SNTG1: variants seen among roughly 807,000 people sequenced by gnomAD.
SNTG1 encodes the protein gamma-1-syntrophin.
A neutral mutation model predicts 74.7 loss-of-function variants in SNTG1; 39 were observed. The ratio of observed to expected loss-of-function variants is 0.52; its 90% CI spans 0.40 to 0.68. SNTG1 has a LOEUF of 0.68. Among genes scored for constraint, SNTG1 ranks in the 30% least tolerant of loss-of-function variants. The pLI is 0.00. For synonymous variants in SNTG1, 254 were observed against 217.1 expected, an observed-to-expected ratio of 1.17 and a Z score of -1.49; for missense variants, 685 against 609.5, an observed-to-expected ratio of 1.12 and a Z score of -1.30.
chr8:50,190,728 T>C (rs537273310), intron 2 of SNTG1, among the ~76,000 whole-genome samples: 1 of 152,296 alleles, frequency 6.6e-6, no homozygotes, highest in Admixed American at 6.5e-5. Context: ...GCCATTTTAC[T>C]ACCTCCTGTT....
intron 2 of SNTG1, among the ~76,000 whole-genome samples, chr8:50,261,006 C>A (rs932208742): frequency 1.3e-5 from 2 of 152,104 alleles, no homozygotes; most frequent in Non-Finnish European, 2.9e-5. Context: ...AGTGACAACT[C>A]TTTTACAAGA....
At chr8:50,440,141 C>G (rs1008592387) in intron 5 of SNTG1, among the ~76,000 whole-genome samples, 1 of 151,534 alleles carries the variant, frequency 6.6e-6, no homozygotes, top group African/African-American at 2.4e-5. Context: ...TATGAATTTT[C>G]CATTCAATTA....
intron 3 of SNTG1, among the ~76,000 whole-genome samples, chr8:50,398,655 G>T (rs2092760781): frequency 6.6e-6 from 1 of 152,174 alleles, no homozygotes; most frequent in Admixed American, 6.5e-5. Flanking sequence ...GGCCGAGCGC[G>T]GTGGCTCACG....
chr8:50,739,463 TGGGA>T (rs1245324199), intron 17 of SNTG1, among the ~76,000 whole-genome samples: 1 of 152,058 alleles, frequency 6.6e-6, no homozygotes, highest in Non-Finnish European at 1.5e-5. Context: ...ACACTGTTGG[TGGGA>T]GTGTAAATTA....
intron 17 of SNTG1, among the ~76,000 whole-genome samples, chr8:50,738,120 T>C (rs564633231): frequency 2.0e-4 from 31 of 152,202 alleles, no homozygotes; most frequent in African/African-American, 6.7e-4. Context: ...AGTCAAATTG[T>C]CTCTCTTTGC....
chr8:50,392,605 C>T (rs1361805647), intron 2 of SNTG1, among the ~76,000 whole-genome samples: 3 of 152,006 alleles, frequency 2.0e-5, no homozygotes, highest in Non-Finnish European at 4.4e-5. Context: ...GAACTCAATC[C>T]AAATAAGTTA....
rs1263301052 is a variant in SNTG1 at position 50,502,880 on chromosome 8, T to C, written c.466T>C (p.Cys156Arg). ...LKLPLNEDCA[C>R]APSDQSSGTS... ...ACTCCCATTGAATGAAGATTGTGCA[T>C]GTAAGCATTTATAAAGAATAGATAA... is the stretch of plus-strand genomic sequence containing the variant. The change falls in exon 9 of 19, where the codon TGT (cysteine) becomes CGT (arginine). Residue 156 changes from cysteine (C) to arginine (R), a missense_variant and splice_region_variant. Cys to Arg is a radical substitution (Grantham distance 180, BLOSUM62 -3). Transcript: ENST00000642720. 1.2e-6 allele frequency: 2 copies of C among 1,609,082 alleles called. No individual in the cohort carries two copies. Among genetic ancestry groups the C allele is most frequent in the Non-Finnish European group, 1.7e-6 (2 of 1,176,108 alleles).
chr8:50,528,806 T>G (rs1340407268), intron 9 of SNTG1, among the ~76,000 whole-genome samples: 1 of 146,772 alleles, frequency 6.8e-6, no homozygotes, highest in East Asian at 1.9e-4. Flanking sequence ...TTTTTCTAAA[T>G]TTTTTTTTTG....
chr8:50,549,191 C>G (rs1303306269), intron 11 of SNTG1, among the ~76,000 whole-genome samples: 1 of 152,114 alleles, frequency 6.6e-6, no homozygotes, highest in African/African-American at 2.4e-5. Context: ...TGTATCTAAA[C>G]AGCTTAGGTT....
At chr8:50,494,258 A>C (rs2093884499) in intron 8 of SNTG1, among the ~76,000 whole-genome samples, 1 of 151,972 alleles carries the variant, frequency 6.6e-6, no homozygotes, top group African/African-American at 2.4e-5. Context: ...AATAAAGACC[A>C]CTTGCTCATA....
At chr8:50,494,319 A>T (rs2093884886) in intron 8 of SNTG1, among the ~76,000 whole-genome samples, 1 of 151,994 alleles carries the variant, frequency 6.6e-6, no homozygotes, top group Non-Finnish European at 1.5e-5. Flanking sequence ...TACTGTATTC[A>T]AAATACAGTA....
At chr8:50,614,468 C>CT (rs1029549841) in intron 13 of SNTG1, among the ~76,000 whole-genome samples, 6 of 151,570 alleles carry the variant, frequency 4.0e-5, no homozygotes. Context: ...TTTACTTTAT[C>CT]TAAAAAAAAG....
At chr8:50,510,597 G>T (rs918045973) in intron 9 of SNTG1, among the ~76,000 whole-genome samples, 14 of 152,140 alleles carry the variant, frequency 9.2e-5, no homozygotes, top group African/African-American at 2.2e-4. Context: ...TTCAGAGCCT[G>T]TTTTTGGTCT....
chr8:50,509,846 A>G (rs2094049646), intron 9 of SNTG1, among the ~76,000 whole-genome samples: 1 of 152,164 alleles, frequency 6.6e-6, no homozygotes, highest in Non-Finnish European at 1.5e-5. Context: ...TAAATATACA[A>G]TCATGTCATC....
At chr8:50,645,343 A>T (rs2095101605) in intron 13 of SNTG1, among the ~76,000 whole-genome samples, 1 of 142,174 alleles carries the variant, frequency 7.0e-6, no homozygotes, top group South Asian at 2.3e-4. Flanking sequence ...TTATTTTGTA[A>T]TTTTTTTTAT....
intron 2 of SNTG1, among the ~76,000 whole-genome samples, chr8:50,207,600 T>G (rs1184185859): frequency 1.3e-5 from 2 of 152,200 alleles, no homozygotes; most frequent in South Asian, 4.1e-4. Context: ...ATTTCTTGCC[T>G]TCTGGAACTT....
At chr8:49,997,010 A>C (rs1814286915) in intron 1 of SNTG1, among the ~76,000 whole-genome samples, 1 of 152,136 alleles carries the variant, frequency 6.6e-6, no homozygotes, top group Admixed American at 6.6e-5. Context: ...AATGAGTGGC[A>C]CACCTAGAAT....
intron 2 of SNTG1, among the ~76,000 whole-genome samples, chr8:50,232,543 T>C (rs1586785013): frequency 6.6e-6 from 1 of 151,578 alleles, no homozygotes; most frequent in South Asian, 2.1e-4. Flanking sequence ...GCAAGATGTT[T>C]ACTCTTTTCA....
At position 50,126,915 on chromosome 8, in the gene SNTG1, C is replaced by T. The variant is rs372842758; in HGVS notation, c.-102-45646C>T. Among the ~76,000 whole-genome samples, 13 of 152,162 alleles carry T rather than the reference C, an allele frequency of 8.5e-5. 1 individual carries two copies. Among genetic ancestry groups the T allele is most frequent in the African/African-American group, 2.9e-4 (12 of 41,522 alleles). On this transcript the variant is annotated intron_variant, in intron 1 of 18. Transcript: ENST00000642720. ...GTTCCACAAAGTGGAGAGGTACGAG[C>T]TTTTTCCTCAGGAGCATACAATCTT...
Sources: allele counts gnomAD v4.1 joint callset (sites outside exome capture counted in the v4.1 genomes callset), GRCh38; gene constraint gnomAD v4.1.1; transcripts MANE v1.5; gene names NCBI Gene and HGNC (gene_info 2026-07-23, HGNC 2026-07-21).